Variants in POLQ observed in about 807,000 individuals in gnomAD.
The protein encoded by POLQ is DNA polymerase theta.
A neutral mutation model predicts 259.2 loss-of-function variants in POLQ; 233 were observed. That is an observed-to-expected ratio of 0.90 (90% CI 0.81 to 1.00). The LOEUF is 1.00. Ranked by LOEUF, POLQ falls within the 50% of genes least tolerant of loss-of-function variation. POLQ has a pLI of 0.00. For synonymous variants in POLQ, 1,025 were observed against 1,048.8 expected (o/e 0.98, Z 0.44); for missense variants, 2,871 against 3,051.6 (o/e 0.94, Z 1.39).
At chr3:121,434,689 G>C (rs1201335249) in intron 28 of POLQ, among the ~76,000 whole-genome samples, 1 of 152,182 alleles carries the variant, frequency 6.6e-6, no homozygotes, top group Admixed American at 6.5e-5. Context: ...TTGTACGTAA[G>C]TGAACACGTT....
At chr3:121,510,954 G>A (rs927883704) in intron 10 of POLQ, among the ~76,000 whole-genome samples, 9 of 151,426 alleles carry the variant, frequency 5.9e-5, no homozygotes, top group Middle Eastern at 3.4e-3. Flanking sequence ...TGAGCCAGGC[G>A]CAGTAGCTCA....
chr3:121,482,156 T>G (rs1019577601), intron 18 of POLQ, among the ~76,000 whole-genome samples: 1 of 152,170 alleles, frequency 6.6e-6, no homozygotes, highest in Admixed American at 6.5e-5. Flanking sequence ...CTAAGGCTAA[T>G]TTGGGCTAAG....
chr3:121,462,039 C>T (rs1471436090), intron 24 of POLQ, among the ~76,000 whole-genome samples: 2 of 152,166 alleles, frequency 1.3e-5, no homozygotes, highest in African/African-American at 2.4e-5. Context: ...TGAGCACCAA[C>T]GAGATGCTCA....
At chr3:121,496,181 C>CT (rs71133540) in intron 14 of POLQ, among the ~76,000 whole-genome samples, 22,116 of 142,284 alleles carry the variant, frequency 0.16, 2,291 homozygotes, top group African/African-American at 0.26. Context: ...TAATCAGTAC[C>CT]TTTTTTTTTT....
chr3:121,516,020 C>A (rs2048291868), intron 9 of POLQ, among the ~76,000 whole-genome samples: 1 of 151,722 alleles, frequency 6.6e-6, no homozygotes, highest in South Asian at 2.1e-4. Context: ...ATGAAGAGTA[C>A]AATGAGTGAA....
Position 121,440,069 on chromosome 3 carries a change from C to T in POLQ, c.7312G>A (p.Gly2438Arg), listed in dbSNP as rs140405584. 3.8e-5 allele frequency: 61 copies of T among 1,609,166 alleles called. No individual in the cohort carries two copies. Among genetic ancestry groups the T allele is most frequent in the Non-Finnish European group, 4.7e-5 (55 of 1,175,738 alleles). ...CTTCCCAAAATGGTCTGAACAAATC[C>T]GTCTCTTTTACAATTCTTCACTGTC... Reference protein sequence around the residue: ...TETVKNCKRDGFVQTILGRRR... With the variant: ...TETVKNCKRDRFVQTILGRRR... Residue 2438 changes from glycine (G) to arginine (R), a missense_variant, in exon 27 of 30, where the codon GGA becomes AGA. Physicochemically the swap from Gly to Arg is moderately radical, Grantham distance 125 (BLOSUM62 -2). Transcript: ENST00000264233.
intron 16 of POLQ, 58 bp from the exon 17 acceptor site, chr3:121,485,242 A>G (rs2048002441): frequency 8.4e-7 from 1 of 1,192,778 alleles, no homozygotes; most frequent in African/African-American, 1.6e-5. Flanking sequence ...CATTACATAA[A>G]TTGTTAAAAC....
At chr3:121,459,382 T>TG (rs2047771255) in intron 25 of POLQ, among the ~76,000 whole-genome samples, 2 of 146,532 alleles carry the variant, frequency 1.4e-5, no homozygotes, top group Admixed American at 1.4e-4. Context: ...TTTTTTTTTT[T>TG]TTTTTTTTTT....
intron 24 of POLQ, among the ~76,000 whole-genome samples, chr3:121,461,716 C>T (rs985580175): frequency 1.3e-5 from 2 of 149,874 alleles, no homozygotes; most frequent in Admixed American, 1.3e-4. Flanking sequence ...ATAATGTATA[C>T]AGAATGCTAA....
chr3:121,514,409 A>C, intron 9 of POLQ, among the ~76,000 whole-genome samples: 1 of 151,578 alleles, frequency 6.6e-6, no homozygotes, highest in South Asian at 2.1e-4. Flanking sequence ...TCTGAAACTT[A>C]TGCATAGACC....
rs767522841 is a variant in POLQ at position 121,473,428 on chromosome 3, C to A, written c.6465G>T (p.Lys2155Asn). ...PNREMKNQGS[K>N]KTLGSTRRGI... ...CTCTTCTGGTAGAACCCAGAGTTTT[C>A]TTGCTGCCTTGGTTTTTCATCTCTC... The change falls in exon 21 of 30, where the codon AAG (lysine) becomes AAT (asparagine). Residue 2155 changes from lysine to asparagine, a missense_variant. Coordinates refer to ENST00000264233, the MANE Select transcript of POLQ (RefSeq NM_199420.4). 66 of 1,613,834 alleles carry A rather than the reference C, an allele frequency of 4.1e-5. No individual in the cohort carries two copies. In the East Asian group the frequency reaches 1.4e-3, roughly 35 times the overall value.
At chr3:121,474,254 C>A (rs1298963694) in intron 20 of POLQ, among the ~76,000 whole-genome samples, 1 of 152,152 alleles carries the variant, frequency 6.6e-6, no homozygotes, top group African/African-American at 2.4e-5. Context: ...GTCATCTAGT[C>A]CCACCACCAC....
In POLQ at chr3:121,533,903, C is replaced by CTT. The variant is rs35959660; in HGVS notation, c.741-696_741-695dup. ...CATGTGTATGAACCATGTGGATACCCTTTTTTTTTTTTTTTTTTGAGACGG... is the reference window on the plus strand; with the variant it reads ...CATGTGTATGAACCATGTGGATACCCTTTTTTTTTTTTTTTTTTTTGAGACGG... On this transcript the variant is annotated intron_variant, in intron 5 of 29. Transcript: ENST00000264233. Among the ~76,000 whole-genome samples the CTT allele has an allele frequency of 4.8e-3, 572 of 119,622 alleles. 25 individuals are homozygous for CTT. The highest frequency in any genetic ancestry group is 8.9e-3 in the East Asian group (35 of 3,912). 78.5% of individuals were successfully genotyped at this position (119,622 alleles called of 152,430 possible).
At chr3:121,525,975 T>C (rs527447965) in intron 7 of POLQ, among the ~76,000 whole-genome samples, 1 of 152,202 alleles carries the variant, frequency 6.6e-6, no homozygotes, top group Admixed American at 6.5e-5. Flanking sequence ...ATCTTTTTCA[T>C]GATTTTCGTT....
chr3:121,454,420 T>G (rs1175187171), intron 25 of POLQ, among the ~76,000 whole-genome samples: 1 of 152,164 alleles, frequency 6.6e-6, no homozygotes, highest in Admixed American at 6.5e-5. Flanking sequence ...ATGCTCCAAT[T>G]AAAAGACACA....
chr3:121,449,719 T>A (rs2047658161), intron 25 of POLQ, among the ~76,000 whole-genome samples: 2 of 152,356 alleles, frequency 1.3e-5, no homozygotes, highest in Non-Finnish European at 2.9e-5. Flanking sequence ...TCCAGCAGTC[T>A]TTATAGCAAC....
At chr3:121,473,510 T>C (rs776414279) in intron 20 of POLQ, 23 bp from the exon 21 acceptor site, 2 of 1,587,714 alleles carry the variant, frequency 1.3e-6, no homozygotes, top group South Asian at 2.3e-5. Context: ...AATGTCTCTT[T>C]AGTCAAGAAT....
At chr3:121,518,160 T>C (rs947762830) in intron 9 of POLQ, among the ~76,000 whole-genome samples, 6 of 152,254 alleles carry the variant, frequency 3.9e-5, no homozygotes, top group South Asian at 2.1e-4. Flanking sequence ...AGACATCTTA[T>C]TTAATGTATA....
At chr3:121,459,369 A>ATTTTTTTTTTTTTTTTTTTTTTTTTT (rs58859161) in intron 25 of POLQ, among the ~76,000 whole-genome samples, 9 of 104,738 alleles carry the variant, frequency 8.6e-5, no homozygotes, top group Non-Finnish European at 1.1e-4. Context: ...GACTAGAAAG[A>ATTTTTTTTTTTTTTTTTTTTTTTTTT]TTTTTTTTTT....
Sources: gnomAD v4.1 joint callset for allele counts (sites outside exome capture counted in the v4.1 genomes callset) on GRCh38, gnomAD v4.1.1 for gene constraint, MANE v1.5 for transcripts, NCBI Gene and HGNC (gene_info 2026-07-23, HGNC 2026-07-21) for gene names.